TBC1D1: variants seen among roughly 807,000 people sequenced by gnomAD.
TBC1D1 encodes the protein TBC1 (tre-2/USP6, BUB2, cdc16) domain family, member 1.
TBC1D1 carries 89 observed loss-of-function variants against 125.6 expected under a neutral mutation model. The ratio of observed to expected loss-of-function variants is 0.71; its 90% CI spans 0.60 to 0.85. The LOEUF is 0.85. TBC1D1 is among the 40% of genes least tolerant of loss of function. TBC1D1 has a pLI of 0.00. For missense variants in TBC1D1, 1,377 were observed against 1,469.2 expected, an observed-to-expected ratio of 0.94 and a Z score of 1.03; for synonymous variants, 565 against 564.1, an observed-to-expected ratio of 1.00 and a Z score of -0.02.
intron 2 of TBC1D1, among the ~76,000 whole-genome samples, chr4:37,948,753 C>T (rs943216171): frequency 6.6e-6 from 1 of 152,116 alleles, no homozygotes; most frequent in Non-Finnish European, 1.5e-5. Flanking sequence ...AAAACCTGTA[C>T]GTATCAGCTG....
chr4:38,123,800 C>T (rs1328119869), intron 17 of TBC1D1, among the ~76,000 whole-genome samples: 1 of 152,228 alleles, frequency 6.6e-6, no homozygotes, highest in Non-Finnish European at 1.5e-5. Flanking sequence ...ATCTCGAGGG[C>T]TATCCCAGCC....
At chr4:38,006,390 C>A (rs1406763319) in intron 2 of TBC1D1, among the ~76,000 whole-genome samples, 1 of 151,988 alleles carries the variant, frequency 6.6e-6, no homozygotes, top group Non-Finnish European at 1.5e-5. Context: ...AGATGACATT[C>A]CTCCAATATG....
intron 2 of TBC1D1, among the ~76,000 whole-genome samples, chr4:37,910,634 G>C (rs1339546782): frequency 6.6e-6 from 1 of 152,094 alleles, no homozygotes; most frequent in Non-Finnish European, 1.5e-5. Flanking sequence ...TAGAATGATG[G>C]TTACCAGAGA....
At chr4:37,989,089 A>G (rs1463445547) in intron 2 of TBC1D1, among the ~76,000 whole-genome samples, 1 of 152,212 alleles carries the variant, frequency 6.6e-6, no homozygotes, top group Non-Finnish European at 1.5e-5. Flanking sequence ...TACTTTCTCT[A>G]AAGAATCCTC....
intron 10 of TBC1D1, among the ~76,000 whole-genome samples, chr4:38,047,784 T>G (rs971826861): frequency 1.3e-5 from 2 of 152,146 alleles, no homozygotes; most frequent in African/African-American, 4.8e-5. Context: ...GAGGGGGCAG[T>G]GATGCTTTTG....
chr4:37,929,433 G>A (rs1372786692), intron 2 of TBC1D1, among the ~76,000 whole-genome samples: 1 of 152,160 alleles, frequency 6.6e-6, no homozygotes, highest in Non-Finnish European at 1.5e-5. Flanking sequence ...TCCCCATGGG[G>A]TATTTGTTAA....
chr4:38,037,297 AC>A lies in TBC1D1; in HGVS notation c.1413+1600del, dbSNP rs544039475. ...TAATGTTTTTTTTTTACCCAAAAAAACATAAGAGTTCAATGTAGAAGTGACT... is the reference window on the plus strand; with the variant it reads ...TAATGTTTTTTTTTTACCCAAAAAAAATAAGAGTTCAATGTAGAAGTGACT... On this transcript the variant is annotated intron_variant, in intron 8 of 19. Coordinates refer to ENST00000261439, the MANE Select transcript of TBC1D1 (RefSeq NM_015173.4). Among the ~76,000 whole-genome samples, 41 of 151,854 alleles carry A rather than the reference AC, an allele frequency of 2.7e-4. No homozygotes were observed. The East Asian group carries it at 5.3e-3, about 20-fold the overall frequency.
In TBC1D1 at chr4:38,045,896, C is replaced by T; in HGVS notation, c.1622C>T (p.Thr541Ile). 1 of 1,613,838 alleles carries T rather than the reference C, an allele frequency of 6.2e-7. No homozygotes were observed. The highest frequency in any genetic ancestry group is 8.5e-7 in the Non-Finnish European group (1 of 1,179,730). ...TCCCTGTCTAGTACATTAAGTAACA[C>T]CAGCAAAGTAAGCACATTTCTCTTT... The change falls in exon 10 of 20, where the codon ACC becomes ATC. Residue 541 changes from threonine to isoleucine, a missense_variant. Transcript: ENST00000261439.
chr4:38,083,337 A>G (rs1272211032), intron 12 of TBC1D1, among the ~76,000 whole-genome samples: 4 of 152,250 alleles, frequency 2.6e-5, no homozygotes, highest in Non-Finnish European at 5.9e-5. Context: ...ATTCAGGCGC[A>G]TACTATCTGG....
chr4:37,973,034 T>C (rs567818177), intron 2 of TBC1D1, among the ~76,000 whole-genome samples: 29 of 152,308 alleles, frequency 1.9e-4, no homozygotes, highest in African/African-American at 7.0e-4. Flanking sequence ...GCAAGCTACA[T>C]GCTGGTAGTG....
In TBC1D1 at chr4:38,089,932, A is replaced by T; in HGVS notation, c.2051A>T (p.Asp684Val). Reference sequence around the variant, plus strand: ...TCTGGAATGCCGTCTCCCTTTCCAGATTATTCAGAGCTGGGAGAGCTTCCC... The same window carrying T: ...TCTGGAATGCCGTCTCCCTTTCCAGTTTATTCAGAGCTGGGAGAGCTTCCC... The change falls in exon 13 of 20, where the codon GAT (aspartate) becomes GTT (valine). Residue 684 changes from aspartate (D) to valine (V), a missense_variant and splice_region_variant. Physicochemically the swap from Asp to Val is radical, Grantham distance 152. This residue lies in a region of TBC1D1 where 543 missense variants were observed against 613.5 expected (regional missense o/e 0.89). Coordinates refer to ENST00000261439, the MANE Select transcript of TBC1D1 (RefSeq NM_015173.4). 1 of 1,563,380 alleles carries T rather than the reference A, an allele frequency of 6.4e-7. No individual in the cohort carries two copies. The highest frequency in any genetic ancestry group is 2.1e-5 in the Admixed American group (1 of 47,632).
At chr4:38,075,363 G>T (rs1394539580) in intron 12 of TBC1D1, among the ~76,000 whole-genome samples, 1 of 152,126 alleles carries the variant, frequency 6.6e-6, no homozygotes, top group Non-Finnish European at 1.5e-5. Flanking sequence ...ACTTGCCTAA[G>T]AGTCATGGAT....
intron 2 of TBC1D1, among the ~76,000 whole-genome samples, chr4:37,988,091 G>T (rs982954146): frequency 1.3e-5 from 2 of 152,238 alleles, no homozygotes; most frequent in African/African-American, 4.8e-5. Flanking sequence ...GCCTTGTTTG[G>T]CATCACGTGA....
chr4:38,105,417 G>T (rs1337718170), intron 15 of TBC1D1, among the ~76,000 whole-genome samples: 1 of 152,164 alleles, frequency 6.6e-6, no homozygotes, highest in African/African-American at 2.4e-5. Flanking sequence ...TAATCAGTGT[G>T]ACTTCGGAAG....
intron 2 of TBC1D1, among the ~76,000 whole-genome samples, chr4:38,006,293 T>TAA (rs550174272): frequency 3.3e-5 from 5 of 152,110 alleles, no homozygotes; most frequent in Non-Finnish European, 7.4e-5. Context: ...TTTGCACAGT[T>TAA]AAAGTGTGTT....
intron 7 of TBC1D1, among the ~76,000 whole-genome samples, chr4:38,033,041 A>G (rs1214333454): frequency 6.6e-6 from 1 of 152,208 alleles, no homozygotes; most frequent in Non-Finnish European, 1.5e-5. Flanking sequence ...ATGTTTAACA[A>G]GCTCCATGAC....
chr4:38,080,373 C>T (rs2152523804), intron 12 of TBC1D1, among the ~76,000 whole-genome samples: 1 of 152,332 alleles, frequency 6.6e-6, no homozygotes, highest in South Asian at 2.1e-4. Context: ...GTGGTTACTG[C>T]CCATGCACTC....
chr4:38,004,500 T>G (rs555432557), intron 2 of TBC1D1, among the ~76,000 whole-genome samples: 1 of 152,354 alleles, frequency 6.6e-6, no homozygotes, highest in East Asian at 1.9e-4. Context: ...TATGCCTTTT[T>G]TTTAAACAAA....
In TBC1D1 at chr4:38,096,100, A is replaced by C; in HGVS notation, c.2398+10A>C. 1.2e-6 allele frequency: 2 copies of C among 1,609,580 alleles called. No homozygotes were observed. Among genetic ancestry groups the C allele is most frequent in the Non-Finnish European group, 1.7e-6 (2 of 1,177,452 alleles). On this transcript the variant is annotated intron_variant, in intron 14 of 19. Transcript: ENST00000261439. ...TCGGCTGTTGGGCAAGGTAAGCTTC[A>C]TTGGGAAGCATCTAGTCAACCTCAC...
Sources: allele counts gnomAD v4.1 joint callset (sites outside exome capture counted in the v4.1 genomes callset), GRCh38; gene constraint gnomAD v4.1.1; regional missense constraint gnomAD v4.1.1; transcripts MANE v1.5; gene names NCBI Gene and HGNC (gene_info 2026-07-23, HGNC 2026-07-21).